Variants in NTRK2 observed in about 807,000 individuals in gnomAD.
NTRK2 encodes the protein BDNF/NT-3 growth factors receptor.
A neutral mutation model predicts 94.5 loss-of-function variants in NTRK2; 13 were observed. That is an observed-to-expected ratio of 0.14 (90% CI 0.09 to 0.22). NTRK2 has a LOEUF of 0.22. Ranked by LOEUF, NTRK2 falls within the 10% of genes least tolerant of loss-of-function variation. The probability of loss-of-function intolerance (pLI) is 1.00; values close to 1 mark genes in which losing one functional copy is unlikely to be tolerated. For missense variants in NTRK2, 639 were observed against 1,071.2 expected, an observed-to-expected ratio of 0.60 and a Z score of 5.63; for synonymous variants, 372 against 407.4, an observed-to-expected ratio of 0.91 and a Z score of 1.05.
At chr9:84,778,021 G>A (rs978683778) in intron 12 of NTRK2, among the ~76,000 whole-genome samples, 4 of 152,138 alleles carry the variant, frequency 2.6e-5, no homozygotes, top group African/African-American at 9.7e-5. Context: ...CAACATTTTG[G>A]GAGGCAGAAG....
intron 15 of NTRK2, among the ~76,000 whole-genome samples, chr9:84,940,022 T>C (rs947397470): frequency 5.3e-5 from 8 of 152,114 alleles, no homozygotes; most frequent in African/African-American, 1.9e-4. Flanking sequence ...ATGACTCCTA[T>C]TGGCTTATCT....
intron 12 of NTRK2, among the ~76,000 whole-genome samples, chr9:84,763,696 G>A (rs1564213759): frequency 6.6e-6 from 1 of 152,080 alleles, no homozygotes; most frequent in Non-Finnish European, 1.5e-5. Flanking sequence ...TTACCATTGT[G>A]CTCAAGGAAA....
At chr9:84,890,707 G>A (rs2076569895) in intron 14 of NTRK2, among the ~76,000 whole-genome samples, 1 of 152,196 alleles carries the variant, frequency 6.6e-6, no homozygotes, top group Non-Finnish European at 1.5e-5. Flanking sequence ...CCCTTGGGAT[G>A]AATGCCATGA....
chr9:84,711,565 C>T (rs1221478320), intron 6 of NTRK2, among the ~76,000 whole-genome samples: 1 of 152,226 alleles, frequency 6.6e-6, no homozygotes, highest in East Asian at 1.9e-4. Context: ...AACCAGTTAA[C>T]AAGTTCACAA....
At chr9:84,866,771 T>C (rs2075615264) in intron 13 of NTRK2, among the ~76,000 whole-genome samples, 1 of 152,184 alleles carries the variant, frequency 6.6e-6, no homozygotes, top group Non-Finnish European at 1.5e-5. Context: ...TGAATGTTCA[T>C]AGTAGCATTA....
At chr9:84,959,851 T>C (rs142159881) in intron 17 of NTRK2, among the ~76,000 whole-genome samples, 154 of 152,304 alleles carry the variant, frequency 1.0e-3, no homozygotes, top group African/African-American at 3.6e-3. Context: ...CTGTGCCGCA[T>C]TGAGACCATT....
chr9:84,728,003 A>G lies in NTRK2; in HGVS notation c.1159+44A>G. 2.6e-6 allele frequency: 4 copies of G among 1,568,134 alleles called. No homozygotes were observed. The South Asian group carries it at 3.3e-5, about 13-fold the overall frequency. On this transcript the variant is annotated intron_variant, in intron 9 of 18. Transcript: ENST00000277120. ...TGTATGTGGGGAGAAGATAAAGTCT[A>G]TCATTCACCTGTTGACAAAATCATG... is the stretch of plus-strand genomic sequence containing the variant.
intron 17 of NTRK2, among the ~76,000 whole-genome samples, chr9:85,012,883 A>G (rs1831783882): frequency 6.6e-6 from 1 of 152,220 alleles, no homozygotes; most frequent in African/African-American, 2.4e-5. Flanking sequence ...TGTAAAAAGT[A>G]TTTGACAAAA....
intron 12 of NTRK2, among the ~76,000 whole-genome samples, chr9:84,763,884 C>T (rs996777580): frequency 9.9e-5 from 15 of 151,500 alleles, no homozygotes; most frequent in African/African-American, 2.7e-4. Context: ...AACATGGCTT[C>T]TCTTTTTCCC....
chr9:84,781,220 C>T (rs973519934), intron 12 of NTRK2, among the ~76,000 whole-genome samples: 1 of 152,242 alleles, frequency 6.6e-6, no homozygotes, highest in South Asian at 2.1e-4. Flanking sequence ...TTTTGAGAAA[C>T]TGGCATTTTG....
chr9:84,796,583 G>C (rs906576314), intron 12 of NTRK2, among the ~76,000 whole-genome samples: 6 of 152,184 alleles, frequency 3.9e-5, no homozygotes, highest in African/African-American at 1.4e-4. Flanking sequence ...GAGCAGTAAA[G>C]CTATTTCAAA....
intron 14 of NTRK2, among the ~76,000 whole-genome samples, chr9:84,926,157 CCTTCCTTCCTTCCTTTCTTT>C (rs1564470966): frequency 0.013 from 1,007 of 79,648 alleles, 3 homozygotes; most frequent in Non-Finnish European, 0.016. Context: ...TTCCTTCCTT[CCTTCCTTCCTTCCTTTCTTT>C]CTTTCTTTCT....
At chr9:84,900,835 A>G (rs527784056) in intron 14 of NTRK2, among the ~76,000 whole-genome samples, 35 of 152,218 alleles carry the variant, frequency 2.3e-4, no homozygotes, top group Non-Finnish European at 4.9e-4. Flanking sequence ...TCTTCAAATT[A>G]AAAAGTTTTC....
chr9:84,995,244 A>G (rs1438519494), intron 17 of NTRK2, among the ~76,000 whole-genome samples: 1 of 151,646 alleles, frequency 6.6e-6, no homozygotes, highest in Non-Finnish European at 1.5e-5. Flanking sequence ...AAGGTGTCAC[A>G]CTGTAGAGGA....
At chr9:84,707,681 C>T (rs1031270476) in intron 4 of NTRK2, among the ~76,000 whole-genome samples, 163 bp from the exon 5 acceptor site, 1 of 152,158 alleles carries the variant, frequency 6.6e-6, no homozygotes. Context: ...AGAGGAAAAA[C>T]TCAGCTATCA....
intron 14 of NTRK2, among the ~76,000 whole-genome samples, chr9:84,926,165 C>CCTTCCTTTCTTT (rs1564471053): frequency 6.2e-5 from 3 of 48,420 alleles, no homozygotes; most frequent in African/African-American, 2.1e-4. Context: ...TTCCTTCCTT[C>CCTTCCTTTCTTT]CTTCCTTTCT....
chr9:84,926,951 G>C (rs2077843832), intron 14 of NTRK2, among the ~76,000 whole-genome samples: 1 of 152,186 alleles, frequency 6.6e-6, no homozygotes, highest in Non-Finnish European at 1.5e-5. Context: ...ATTGATCTCT[G>C]TTATGAGTAC....
intron 2 of NTRK2, among the ~76,000 whole-genome samples, chr9:84,700,593 A>G (rs2060660938): frequency 6.6e-6 from 1 of 152,178 alleles, no homozygotes; most frequent in African/African-American, 2.4e-5. Flanking sequence ...TTGTCTTCTC[A>G]GAGAATCTAC....
chr9:84,814,189 CAG>C (rs2133604110), intron 12 of NTRK2: 2 of 1,065,790 alleles, frequency 1.9e-6, no homozygotes, highest in Non-Finnish European at 2.3e-6. Flanking sequence ...CCCAGCAACA[CAG>C]AACACAGGAG....
Sources: allele counts gnomAD v4.1 joint callset (sites outside exome capture counted in the v4.1 genomes callset), GRCh38; gene constraint gnomAD v4.1.1; transcripts MANE v1.5; gene names NCBI Gene and HGNC (gene_info 2026-07-23, HGNC 2026-07-21).